Variants in PCNX2 observed in about 807,000 individuals in gnomAD.
PCNX2 encodes the protein pecanex 2.
In PCNX2, 168 loss-of-function variants were observed where a neutral mutation model predicts 223.8. The observed-to-expected ratio is 0.75, with a 90% CI of 0.66 to 0.85. PCNX2 has a LOEUF of 0.85. Ranked by LOEUF, PCNX2 falls within the 40% of genes least tolerant of loss-of-function variation. The pLI, the probability that PCNX2 is intolerant of heterozygous loss-of-function variation, is 0.00. For synonymous variants in PCNX2, 1,006 were observed against 1,052.6 expected (o/e 0.96, Z 0.86); for missense variants, 2,507 against 2,675.5 (o/e 0.94, Z 1.39).
chr1:233,140,809 G>A (rs907737721), intron 19 of PCNX2, among the ~76,000 whole-genome samples: 2 of 152,178 alleles, frequency 1.3e-5, no homozygotes, highest in African/African-American at 2.4e-5. Context: ...AACTTGAGGA[G>A]AGCACAGCAG....
At chr1:233,289,288 C>A (rs1266393801) in intron 1 of PCNX2, 4 of 982,946 alleles carry the variant, frequency 4.1e-6, no homozygotes, top group Non-Finnish European at 5.0e-6. Flanking sequence ...TGACCACCAC[C>A]AACCTCAATT....
intron 21 of PCNX2, among the ~76,000 whole-genome samples, chr1:233,103,439 C>T (rs980105204): frequency 1.2e-4 from 18 of 151,860 alleles, no homozygotes; most frequent in African/African-American, 4.1e-4. Context: ...CCCTTAATAC[C>T]CCCAACCCAG....
intron 32 of PCNX2, among the ~76,000 whole-genome samples, chr1:232,992,903 C>T (rs542155234): frequency 2.6e-5 from 4 of 152,334 alleles, no homozygotes; most frequent in East Asian, 1.9e-4. Flanking sequence ...GCTTCCCCTT[C>T]GCCTTCTGCC....
rs138703283 is a variant in PCNX2 at position 233,265,068 on chromosome 1, C to A, written c.154-1905G>T. 9.8e-3 allele frequency among the ~76,000 whole-genome samples: 1,459 copies of A among 148,540 alleles called. 30 individuals carry two copies. Among genetic ancestry groups the A allele is most frequent in the African/African-American group, 0.033 (1,326 of 40,698 alleles). On this transcript the variant is annotated intron_variant, in intron 1 of 33. Coordinates refer to ENST00000258229, the MANE Select transcript of PCNX2 (RefSeq NM_014801.4). ...GCCTGGGCAACATAGTGAGACCCCC[C>A]CTCCGATCTCTACAAAATTTAAAAA...
intron 25 of PCNX2, among the ~76,000 whole-genome samples, chr1:233,039,866 A>C (rs533149169): frequency 5.3e-5 from 8 of 152,364 alleles, no homozygotes; most frequent in African/African-American, 1.9e-4. Context: ...CAAACACTCA[A>C]ACACAAATAT....
intron 26 of PCNX2, among the ~76,000 whole-genome samples, chr1:233,018,312 T>C (rs185540704): frequency 5.3e-5 from 8 of 152,254 alleles, no homozygotes; most frequent in Admixed American, 3.9e-4. Flanking sequence ...GGTGATCCAC[T>C]GTGCCCAGCC....
chr1:232,986,380 C>T lies in PCNX2; in HGVS notation c.5952G>A (p.Arg1984=). ...ACGTGGCCGAGGCGTGCAAGGAGAG[C>T]CGGCTGCCCGAGAGCCTCTGGGCCA... is the stretch of plus-strand genomic sequence containing the variant. ...HELAQRLSGS[R]LSLHASATSL... The change falls in exon 33 of 34, where the codon CGG becomes CGA. Residue 1984 remains arginine, a synonymous_variant. Coordinates refer to ENST00000258229, the MANE Select transcript of PCNX2 (RefSeq NM_014801.4). 1 of 1,602,758 alleles carries T rather than the reference C, an allele frequency of 6.2e-7. No homozygotes were observed. The highest frequency in any genetic ancestry group is 8.5e-7 in the Non-Finnish European group (1 of 1,174,498).
Position 233,163,827 on chromosome 1 carries a change from T to C in PCNX2, c.3274-2464A>G, listed in dbSNP as rs192083562. 2.7e-4 allele frequency among the ~76,000 whole-genome samples: 41 copies of C among 152,240 alleles called. No homozygotes were observed. The East Asian group carries it at 7.6e-3, about 28-fold the overall frequency. ...ATGGTCTGGCTTCTTTCACTCAGTG[T>C]ACTTATTCTGAGATTCATCCATGGT... On this transcript the variant is annotated intron_variant, in intron 17 of 33. Transcript: ENST00000258229.
intron 23 of PCNX2, among the ~76,000 whole-genome samples, chr1:233,078,284 C>A (rs1258943893): frequency 1.3e-5 from 2 of 152,214 alleles, no homozygotes; most frequent in Non-Finnish European, 2.9e-5. Context: ...TCAGGGAAGA[C>A]GTTTTAATTA....
rs1206599005 is a variant in PCNX2 at position 233,217,898 on chromosome 1, C to A, written c.2691+1G>T. On this transcript the variant is annotated splice_donor_variant, in intron 12 of 33. Transcript: ENST00000258229. LOFTEE classifies it high-confidence loss of function. ...CTACTTGCCTGTATTTGGAAACTTA[C>A]GTGTATTGGTGAGGCGGGGTCAGGC... The A allele has an allele frequency of 6.2e-7, 1 of 1,613,750 alleles. No individual in the cohort carries two copies. The highest frequency in any genetic ancestry group is 8.5e-7 in the Non-Finnish European group (1 of 1,179,846).
chr1:233,080,745 C>T (rs72762099), intron 23 of PCNX2, among the ~76,000 whole-genome samples: 14,573 of 152,160 alleles, frequency 0.096, 766 homozygotes, highest in East Asian at 0.16. Flanking sequence ...CTAATACCAT[C>T]GCACTGTGGG....
chr1:233,011,705 TGAA>T (rs1159744622), intron 28 of PCNX2, among the ~76,000 whole-genome samples: 3 of 152,058 alleles, frequency 2.0e-5, no homozygotes, highest in African/African-American at 7.2e-5. Context: ...GATAGGAAGG[TGAA>T]GAAGAATTCA....
At chr1:233,189,929 G>A (rs1488237821) in intron 15 of PCNX2, among the ~76,000 whole-genome samples, 1 of 152,298 alleles carries the variant, frequency 6.6e-6, no homozygotes, top group East Asian at 1.9e-4. Flanking sequence ...TTAAGTCAAT[G>A]AGGGAGTCCA....
At chr1:233,207,329 C>CT in intron 13 of PCNX2, among the ~76,000 whole-genome samples, 1 of 152,174 alleles carries the variant, frequency 6.6e-6, no homozygotes, top group East Asian at 1.9e-4. Context: ...GGACCAAAGG[C>CT]TTTGACAGTC....
intron 1 of PCNX2, among the ~76,000 whole-genome samples, chr1:233,266,082 G>GC (rs1355083929): frequency 6.6e-6 from 1 of 152,166 alleles, no homozygotes; most frequent in Non-Finnish European, 1.5e-5. Flanking sequence ...CATATCTGCA[G>GC]CCCATGGACC....
chr1:233,283,245 G>C (rs542223116), intron 1 of PCNX2, among the ~76,000 whole-genome samples: 2 of 152,248 alleles, frequency 1.3e-5, no homozygotes, highest in East Asian at 3.9e-4. Context: ...GAAGGTCTCA[G>C]AATAAACTTT....
intron 1 of PCNX2, among the ~76,000 whole-genome samples, chr1:233,276,119 T>G (rs1036066339): frequency 6.6e-6 from 1 of 152,160 alleles, no homozygotes; most frequent in African/African-American, 2.4e-5. Context: ...CTATACATAC[T>G]ATGGAATATT....
intron 21 of PCNX2, chr1:233,112,789 T>G: frequency 1.7e-6 from 2 of 1,196,912 alleles, no homozygotes; most frequent in Non-Finnish European, 2.1e-6. Context: ...AAAAAAATTT[T>G]AAGTCTTACA....
chr1:233,261,434 G>C, intron 3 of PCNX2, 113 bp from the exon 4 acceptor site: 1 of 928,306 alleles, frequency 1.1e-6, no homozygotes, highest in East Asian at 2.4e-5. Flanking sequence ...ATGTAGGGGA[G>C]AGACAATACA....
Sources: gnomAD v4.1 joint callset for allele counts (sites outside exome capture counted in the v4.1 genomes callset) on GRCh38, gnomAD v4.1.1 for gene constraint, MANE v1.5 for transcripts, NCBI Gene and HGNC (gene_info 2026-07-23, HGNC 2026-07-21) for gene names.